The following PLEK variants were observed in gnomAD, a reference collection of about 807,000 sequenced individuals.
PLEK encodes pleckstrin.
A neutral mutation model predicts 43.9 loss-of-function variants in PLEK; 25 were observed. The ratio of observed to expected loss-of-function variants is 0.57; its 90% CI spans 0.41 to 0.79. The LOEUF (loss-of-function observed/expected upper bound fraction) is 0.79. Among genes scored for constraint, PLEK ranks in the 30% least tolerant of loss-of-function variants. PLEK has a pLI of 0.00. For synonymous variants in PLEK, 152 were observed against 144.4 expected, an observed-to-expected ratio of 1.05 and a Z score of -0.38; for missense variants, 396 against 413.3, an observed-to-expected ratio of 0.96 and a Z score of 0.36.
At chr2:68,394,237 C>A in intron 8 of PLEK, 61 bp downstream of exon 8, 2 of 918,522 alleles carry the variant, frequency 2.2e-6, no homozygotes, top group Non-Finnish European at 3.7e-6. Flanking sequence ...CACACCTGGA[C>A]ATCCTGGGCC....
Position 68,386,493 on chromosome 2 carries a change from C to T in PLEK, c.473-9C>T. ...GAGAGTTAACCTTCCCTGTGCTGGTCCCATCTAGGTAACTGCGTCATTGAT... is the reference window on the plus strand; with the variant it reads ...GAGAGTTAACCTTCCCTGTGCTGGTTCCATCTAGGTAACTGCGTCATTGAT... On this transcript the variant is annotated splice_polypyrimidine_tract_variant and intron_variant, in intron 4 of 8. Transcript: ENST00000234313. The T allele has an allele frequency of 2.5e-6, 4 of 1,611,146 alleles. No homozygotes were observed. The highest frequency in any genetic ancestry group is 3.4e-6 in the Non-Finnish European group (4 of 1,177,930).
chr2:68,365,682 T>C, intron 1 of PLEK: 1 of 345,696 alleles, frequency 2.9e-6, no homozygotes, highest in South Asian at 2.8e-5. Context: ...GAATATCCTT[T>C]TTAAGAGGCA....
At chr2:68,384,049 A>C (rs559113022) in intron 4 of PLEK, among the ~76,000 whole-genome samples, 1 of 152,188 alleles carries the variant, frequency 6.6e-6, no homozygotes, top group East Asian at 1.9e-4. Flanking sequence ...CAAAGGGAAC[A>C]GGAGGGCATT....
chr2:68,367,516 A>C (rs993418524), intron 1 of PLEK, among the ~76,000 whole-genome samples: 3 of 152,250 alleles, frequency 2.0e-5, no homozygotes, highest in African/African-American at 7.2e-5. Context: ...TGCAGAACTA[A>C]ACCTAAAGAC....
At chr2:68,374,903 A>G (rs1486055963) in intron 1 of PLEK, among the ~76,000 whole-genome samples, 2 of 152,140 alleles carry the variant, frequency 1.3e-5, no homozygotes, top group Non-Finnish European at 2.9e-5. Context: ...GGATTTATAT[A>G]TTATATTATA....
At chr2:68,377,474 G>A (rs1290880834) in intron 1 of PLEK, among the ~76,000 whole-genome samples, 2 of 152,134 alleles carry the variant, frequency 1.3e-5, no homozygotes, top group Non-Finnish European at 2.9e-5. Flanking sequence ...TGACTGAGAT[G>A]AGCTGTTATC....
At chr2:68,383,492 A>G (rs533319375) in intron 4 of PLEK, among the ~76,000 whole-genome samples, 54 of 151,166 alleles carry the variant, frequency 3.6e-4, no homozygotes, top group African/African-American at 1.2e-3. Context: ...TGAGCAGAGG[A>G]TGGGCCAGGG....
At chr2:68,384,455 C>A (rs1486514615) in intron 4 of PLEK, among the ~76,000 whole-genome samples, 1 of 152,138 alleles carries the variant, frequency 6.6e-6, no homozygotes, top group Non-Finnish European at 1.5e-5. Flanking sequence ...AAACTTCCAA[C>A]CTCAGGTGAT....
intron 1 of PLEK, among the ~76,000 whole-genome samples, chr2:68,367,932 G>T (rs1195180009): frequency 1.3e-5 from 2 of 152,200 alleles, no homozygotes; most frequent in Non-Finnish European, 2.9e-5. Flanking sequence ...TCTTTGTCCT[G>T]TGTCTTGTTT....
chr2:68,394,013 A>G (rs569055471), intron 7 of PLEK, 94 bp from the exon 8 acceptor site: 34 of 822,468 alleles, frequency 4.1e-5, no homozygotes, highest in Non-Finnish European at 6.5e-5. Flanking sequence ...GCCCTGATCT[A>G]TATTAGAGTG....
In PLEK at chr2:68,393,216, GC is replaced by G; in HGVS notation, c.819del (p.Tyr274ThrfsTer19). ...VRKFILREDP[A>X]YLHYYDPAGA... ...GAAGTTCATCTTGAGAGAAGACCCT[GC>G]CTACCTGCACTACTATGACCCTGCT... On this transcript the variant is annotated frameshift_variant, in exon 7 of 9. Transcript: ENST00000234313. LOFTEE classifies it high-confidence loss of function. 2.5e-6 allele frequency: 4 copies of G among 1,612,272 alleles called. No individual in the cohort carries two copies. In the South Asian group the frequency reaches 3.3e-5, roughly 13 times the overall value.
chr2:68,381,155 GAGAA>G (rs1048280405), intron 3 of PLEK, among the ~76,000 whole-genome samples: 3 of 150,402 alleles, frequency 2.0e-5, no homozygotes, highest in African/African-American at 7.4e-5. Context: ...GAGAGAGAGA[GAGAA>G]AGAAACATCA....
Position 68,388,491 on chromosome 2 carries a change from G to C in PLEK, c.762G>C (p.Gln254His). 1 of 1,520,082 alleles carries C rather than the reference G, an allele frequency of 6.6e-7. No individual in the cohort carries two copies. The highest frequency in any genetic ancestry group is 1.1e-5 in the South Asian group (1 of 89,236). 94.2% of individuals were successfully genotyped at this position (1,520,082 alleles called of 1,614,324 possible). The change falls in exon 6 of 9, where the codon CAG (glutamine) becomes CAC (histidine). Residue 254 changes from glutamine to histidine, a missense_variant and splice_region_variant. Gln to His is a conservative substitution (Grantham distance 24). Transcript: ENST00000234313. ...VIIKQGCLLKQGHRRKNWKVR... is the reference protein window; with the variant it reads ...VIIKQGCLLKHGHRRKNWKVR... ...TCAAGCAGGGATGTTTACTGAAGCA[G>C]GTGAGTGGCCACAACTGCTCCCATC...
intron 1 of PLEK, among the ~76,000 whole-genome samples, chr2:68,375,688 C>T (rs1301245625): frequency 1.3e-5 from 2 of 152,128 alleles, no homozygotes; most frequent in East Asian, 1.9e-4. Flanking sequence ...GTCAACTGGA[C>T]CTTTATATAG....
chr2:68,375,987 A>G (rs72892095), intron 1 of PLEK, among the ~76,000 whole-genome samples: 171 of 152,296 alleles, frequency 1.1e-3, no homozygotes, highest in African/African-American at 3.9e-3. Context: ...GACCTTTTGC[A>G]AGTGATTTTC....
chr2:68,375,914 C>T (rs369462374), intron 1 of PLEK, among the ~76,000 whole-genome samples: 1 of 152,168 alleles, frequency 6.6e-6, no homozygotes, highest in African/African-American at 2.4e-5. Flanking sequence ...AAACTGAAAA[C>T]ATTTTAAGTA....
chr2:68,371,490 AG>A (rs1673401501), intron 1 of PLEK, among the ~76,000 whole-genome samples: 1 of 152,250 alleles, frequency 6.6e-6, no homozygotes, highest in South Asian at 2.1e-4. Flanking sequence ...TGTAAGGAAT[AG>A]GTACTATTTA....
In PLEK at chr2:68,386,663, A is replaced by C. The variant is rs763504160; in HGVS notation, c.634A>C (p.Asn212His). ...DGTAENPFLD[N>H]PDAFYYFPDS... is the part of the protein sequence containing the mutation. ...AACTGCTGAAAACCCTTTCCTGGACAACCCTGATGCCTTCTACTACTTTGT... is the reference window on the plus strand; with the variant it reads ...AACTGCTGAAAACCCTTTCCTGGACCACCCTGATGCCTTCTACTACTTTGT... The change falls in exon 5 of 9, where the codon AAC becomes CAC. Residue 212 changes from asparagine (N) to histidine (H), a missense_variant. Physicochemically the swap from Asn to His is moderately conservative, Grantham distance 68. Transcript: ENST00000234313. 2.5e-6 allele frequency: 4 copies of C among 1,613,520 alleles called. No individual in the cohort carries two copies. The Admixed American group carries it at 5.0e-5, about 20-fold the overall frequency.
At chr2:68,375,651 A>G (rs1028715802) in intron 1 of PLEK, among the ~76,000 whole-genome samples, 4 of 152,250 alleles carry the variant, frequency 2.6e-5, no homozygotes, top group African/African-American at 4.8e-5. Flanking sequence ...ACAAGTATTT[A>G]TCTTTGCATA....
Sources: gnomAD v4.1 joint callset for allele counts (sites outside exome capture counted in the v4.1 genomes callset) on GRCh38, gnomAD v4.1.1 for gene constraint, MANE v1.5 for transcripts, NCBI Gene and HGNC (gene_info 2026-07-23, HGNC 2026-07-21) for gene names.